PRDM16: variants seen among roughly 807,000 people sequenced by gnomAD.
PRDM16 encodes the protein histone-lysine N-methyltransferase PRDM16.
Under a neutral mutation model 110.6 loss-of-function variants are expected in PRDM16, and 23 were observed. The ratio of observed to expected loss-of-function variants is 0.21; its 90% CI spans 0.15 to 0.29. PRDM16 has a LOEUF of 0.29. Ranked by LOEUF, PRDM16 falls within the 10% of genes least tolerant of loss-of-function variation. PRDM16 has a pLI of 1.00. For missense variants in PRDM16, 1,615 were observed against 1,794.3 expected, an observed-to-expected ratio of 0.90 and a Z score of 1.81; for synonymous variants, 799 against 781.8, an observed-to-expected ratio of 1.02 and a Z score of -0.37.
chr1:3,095,468 G>A (rs1269723687), intron 1 of PRDM16, among the ~76,000 whole-genome samples: 1 of 152,170 alleles, frequency 6.6e-6, no homozygotes, highest in Non-Finnish European at 1.5e-5. Context: ...AAACCCATAG[G>A]ACCTGGAGCA....
Position 3,436,154 on chromosome 1 carries a change from A to G in PRDM16, c.*2343A>G. On this transcript the variant is annotated 3_prime_UTR_variant, in exon 17 of 17. Coordinates refer to ENST00000270722, the MANE Select transcript of PRDM16 (RefSeq NM_022114.4). ...TCAGACATAAACACCCCATTTCTGT[A>G]AACCCAAATTATATGGTTTCTTCTG... The G allele has an allele frequency of 4.3e-6, 1 of 230,566 alleles. No individual in the cohort carries two copies. The highest frequency in any genetic ancestry group is 8.6e-6 in the Non-Finnish European group (1 of 116,536). The allele number at this position is 230,566 out of a possible 1,614,324, so 14.3% of individuals were successfully genotyped here.
intron 3 of PRDM16, among the ~76,000 whole-genome samples, chr1:3,336,584 G>A (rs1248443300): frequency 1.3e-5 from 2 of 151,280 alleles, no homozygotes; most frequent in Non-Finnish European, 3.0e-5. Context: ...GAGTCTGAGT[G>A]CATGCATGCA....
intron 2 of PRDM16, among the ~76,000 whole-genome samples, chr1:3,212,761 A>G (rs1402362687): frequency 6.7e-6 from 1 of 149,882 alleles, no homozygotes; most frequent in African/African-American, 2.5e-5. Flanking sequence ...GGTTCCCACC[A>G]GCACCTGCAT....
chr1:3,073,342 GTAAT>G (rs1641812949), intron 1 of PRDM16, among the ~76,000 whole-genome samples: 1 of 152,264 alleles, frequency 6.6e-6, no homozygotes, highest in Non-Finnish European at 1.5e-5. Flanking sequence ...GCTTGGGCTG[GTAAT>G]TAAGGTGATG....
intron 3 of PRDM16, among the ~76,000 whole-genome samples, chr1:3,267,794 A>G (rs1284298812): frequency 6.6e-6 from 1 of 151,812 alleles, no homozygotes; most frequent in African/African-American, 2.4e-5. Context: ...CTGCGGGTCC[A>G]CAGTGGGTGT....
rs184666693 is a variant in PRDM16 at position 3,141,247 on chromosome 1, G to A, written c.38-44878G>A. Among the ~76,000 whole-genome samples the A allele has an allele frequency of 3.4e-4, 52 of 152,148 alleles. 1 individual carries two copies. The East Asian group carries it at 9.1e-3, about 27-fold the overall frequency. ...TTTGGGGGTATTTTCTCCTTCTGCCGTGATGAATGCTTCTATGAAACAATG... is the reference window on the plus strand; with the variant it reads ...TTTGGGGGTATTTTCTCCTTCTGCCATGATGAATGCTTCTATGAAACAATG... On this transcript the variant is annotated intron_variant, in intron 1 of 16. Transcript: ENST00000270722.
chr1:3,409,834 G>GGTGTGGTGTATGTGCGT (rs1553175963), intron 8 of PRDM16, among the ~76,000 whole-genome samples: 3 of 125,798 alleles, frequency 2.4e-5, no homozygotes, highest in Admixed American at 7.8e-5. Flanking sequence ...GTTGTGTGTG[G>GGTGTGGTGTATGTGCGT]GTGTGTGGTG....
At chr1:3,169,420 A>G (rs149391326) in intron 1 of PRDM16, among the ~76,000 whole-genome samples, 90 of 152,106 alleles carry the variant, frequency 5.9e-4, no homozygotes, top group African/African-American at 2.0e-3. Flanking sequence ...GTTGGAAGAT[A>G]CCACACAGGG....
intron 10 of PRDM16, among the ~76,000 whole-genome samples, chr1:3,416,167 T>C (rs1638252982): frequency 6.6e-6 from 1 of 152,212 alleles, no homozygotes; most frequent in Admixed American, 6.5e-5. Context: ...GGTATTTTTA[T>C]CGTAACCAGT....
intron 3 of PRDM16, among the ~76,000 whole-genome samples, chr1:3,313,437 G>A (rs562808807): frequency 2.0e-5 from 3 of 152,220 alleles, no homozygotes; most frequent in African/African-American, 4.8e-5. Context: ...GGGAAAAGTA[G>A]CCTGAGAGTG....
intron 1 of PRDM16, among the ~76,000 whole-genome samples, chr1:3,181,445 T>TAC (rs367823022): frequency 0.012 from 95 of 7,876 alleles, 23 homozygotes; most frequent in Admixed American, 0.028. Context: ...CAAGCAGTCT[T>TAC]ACACGGTCTT....
At chr1:3,225,573 T>TGTGTGTGTGCGTGCGC (rs1336272072) in intron 2 of PRDM16, among the ~76,000 whole-genome samples, 3 of 129,804 alleles carry the variant, frequency 2.3e-5, no homozygotes, top group Admixed American at 1.6e-4. Context: ...TGTGTGTGTG[T>TGTGTGTGTGCGTGCGC]GCGCGCGCGC....
intron 2 of PRDM16, among the ~76,000 whole-genome samples, chr1:3,198,355 C>T (rs952089833): frequency 1.3e-5 from 2 of 152,246 alleles, no homozygotes; most frequent in Non-Finnish European, 2.9e-5. Context: ...GTTTGTTCTG[C>T]GTGGCCTTGG....
chr1:3,070,420 G>A (rs1183801875), intron 1 of PRDM16, among the ~76,000 whole-genome samples: 1 of 147,842 alleles, frequency 6.8e-6, no homozygotes, highest in African/African-American at 2.4e-5. Context: ...GCGGAGCCGC[G>A]GCCCGGCCAG....
At chr1:3,409,154 TGTGA>T (rs111965270) in intron 8 of PRDM16, among the ~76,000 whole-genome samples, 3,125 of 137,132 alleles carry the variant, frequency 0.023, 65 homozygotes, top group Admixed American at 0.051. Flanking sequence ...TGTGGGTGTG[TGTGA>T]GTGAGTGTGG....
intron 1 of PRDM16, among the ~76,000 whole-genome samples, chr1:3,150,869 GCGGGGGGGCTGGTCCTAGAGCTATGGAAA>G: frequency 2.1e-5 from 3 of 142,340 alleles, no homozygotes; most frequent in East Asian, 2.1e-4. Flanking sequence ...CCGGGTGGGG[GCGGGGGGGCTGGTCCTAGAGCTATGGAAA>G]CGGGGGGGCT....
intron 1 of PRDM16, among the ~76,000 whole-genome samples, chr1:3,171,058 C>G (rs758894947): frequency 6.6e-6 from 1 of 152,154 alleles, no homozygotes; most frequent in Admixed American, 6.5e-5. Context: ...CCCAGCGGGA[C>G]CCCGCACCCC....
chr1:3,265,879 G>A lies in PRDM16; in HGVS notation c.438+21742G>A. On this transcript the variant is annotated intron_variant, in intron 3 of 16. Coordinates refer to ENST00000270722, the MANE Select transcript of PRDM16 (RefSeq NM_022114.4). The surrounding 1 kb of genome is among the most constrained non-coding windows in gnomAD (Gnocchi z 4.5). ...TCTATGATCCCTTTACGGTCGTGCA[G>A]TGCTCCCCAGGGCTCCGCACTGCTC... Among the ~76,000 whole-genome samples the A allele has an allele frequency of 6.6e-6, 1 of 152,230 alleles. No homozygotes were observed. Among genetic ancestry groups the A allele is most frequent in the East Asian group, 1.9e-4 (1 of 5,164 alleles).
At chr1:3,152,304 T>TCATCCATCCATCCATC (rs140476841) in intron 1 of PRDM16, among the ~76,000 whole-genome samples, 3 of 151,690 alleles carry the variant, frequency 2.0e-5, no homozygotes, top group South Asian at 4.2e-4. Context: ...ATCCCTCCTT[T>TCATCCATCCATCCATC]CATCCATCCA....
Sources: allele counts gnomAD v4.1 joint callset (sites outside exome capture counted in the v4.1 genomes callset), GRCh38; gene constraint gnomAD v4.1.1; non-coding constraint Gnocchi (gnomAD v3.1); transcripts MANE v1.5; gene names NCBI Gene and HGNC (gene_info 2026-07-23, HGNC 2026-07-21).